The following SRPK2 variants were observed in gnomAD, a reference collection of about 807,000 sequenced individuals.
SRPK2 encodes the protein SFRS protein kinase 2.
A neutral mutation model predicts 90.8 loss-of-function variants in SRPK2; 21 were observed. That is an observed-to-expected ratio of 0.23 (90% CI 0.16 to 0.33). The LOEUF (loss-of-function observed/expected upper bound fraction) is 0.33. Ranked by LOEUF, SRPK2 falls within the 10% of genes least tolerant of loss-of-function variation. The pLI is 1.00. For missense variants in SRPK2, 620 were observed against 869.0 expected (o/e 0.71, Z 3.60); for synonymous variants, 288 against 311.1 (o/e 0.93, Z 0.78).
chr7:105,231,453 A>T (rs560220120), intron 2 of SRPK2, among the ~76,000 whole-genome samples: 8 of 152,298 alleles, frequency 5.3e-5, no homozygotes, highest in African/African-American at 1.9e-4. Flanking sequence ...GCGGAGTCGA[A>T]TGGTAGTTCT....
rs376577359 is a variant in SRPK2 at position 105,158,812 on chromosome 7, GT to G, written c.621+1694del. Reference sequence around the variant, plus strand: ...GTTTTATTTTTTTGTGTTTTTTTGTGTTTTTTTTTTTTTTTAAAGACTTTAG... The same window carrying G: ...GTTTTATTTTTTTGTGTTTTTTTGTGTTTTTTTTTTTTTTAAAGACTTTAG... On this transcript the variant is annotated intron_variant, in intron 7 of 15. Transcript: ENST00000393651. Among the ~76,000 whole-genome samples the G allele has an allele frequency of 8.7e-3, 1,158 of 132,554 alleles. 20 individuals carry two copies. Among genetic ancestry groups the G allele is most frequent in the East Asian group, 0.073 (333 of 4,548 alleles). 87.0% of individuals were successfully genotyped at this position (132,554 alleles called of 152,430 possible).
intron 1 of SRPK2, among the ~76,000 whole-genome samples, chr7:105,396,845 A>G (rs376122076): frequency 2.0e-5 from 3 of 146,904 alleles, no homozygotes; most frequent in South Asian, 2.2e-4. Flanking sequence ...AGAAAGAAAT[A>G]GAGGGAGGGA....
chr7:105,278,518 CAAAAAAAA>C (rs745938997), intron 2 of SRPK2, among the ~76,000 whole-genome samples: 6 of 95,292 alleles, frequency 6.3e-5, no homozygotes, highest in African/African-American at 2.3e-4. Context: ...AATAAAAATA[CAAAAAAAA>C]AAAAAAAAAA....
At chr7:105,318,619 A>G (rs1409968982) in intron 2 of SRPK2, among the ~76,000 whole-genome samples, 1 of 152,252 alleles carries the variant, frequency 6.6e-6, no homozygotes, top group Non-Finnish European at 1.5e-5. Context: ...AATGTCACTC[A>G]GTACTCATTT....
rs550601769 is a variant in SRPK2 at position 105,262,285 on chromosome 7, T to C, written c.72-58500A>G. Among the ~76,000 whole-genome samples, 4 of 152,302 alleles carry C rather than the reference T, an allele frequency of 2.6e-5. No homozygotes were observed. The South Asian group carries it at 6.2e-4, about 24-fold the overall frequency. On this transcript the variant is annotated intron_variant, in intron 2 of 15. Transcript: ENST00000393651. The stretch of plus-strand genomic sequence containing the variant: ...AACTAACACTACACTTTTATTTAGG[T>C]ATATGATACATAAATTTTAGAGACT...
intron 2 of SRPK2, among the ~76,000 whole-genome samples, chr7:105,326,502 C>T (rs555741273): frequency 1.8e-4 from 27 of 152,280 alleles, no homozygotes; most frequent in African/African-American, 6.3e-4. Flanking sequence ...CCCAATATTA[C>T]ACAGCGAATA....
intron 2 of SRPK2, among the ~76,000 whole-genome samples, chr7:105,386,808 C>A (rs993419082): frequency 6.6e-6 from 1 of 152,192 alleles, no homozygotes; most frequent in East Asian, 1.9e-4. Context: ...GGGCTGGTCC[C>A]GTTACCTTAC....
chr7:105,132,769 C>G (rs1358885153), intron 13 of SRPK2, 22 bp downstream of exon 13: 1 of 1,583,236 alleles, frequency 6.3e-7, no homozygotes, highest in African/African-American at 1.3e-5. Context: ...CCCATGGCAG[C>G]AAAGGGCACA....
At chr7:105,291,594 G>A (rs1809030309) in intron 2 of SRPK2, among the ~76,000 whole-genome samples, 2 of 152,122 alleles carry the variant, frequency 1.3e-5, no homozygotes, top group South Asian at 4.1e-4. Context: ...GCCGGGCATG[G>A]TGGCGCACGC....
chr7:105,364,534 G>A (rs962658577), intron 2 of SRPK2, among the ~76,000 whole-genome samples: 2 of 151,556 alleles, frequency 1.3e-5, no homozygotes, highest in African/African-American at 4.9e-5. Flanking sequence ...CCAAGTAGCT[G>A]GGATTACAGG....
At chr7:105,210,868 C>A (rs1002209006) in intron 2 of SRPK2, among the ~76,000 whole-genome samples, 1 of 152,120 alleles carries the variant, frequency 6.6e-6, no homozygotes, top group Non-Finnish European at 1.5e-5. Context: ...CAAAGAACTG[C>A]CAGTGGCCTC....
At chr7:105,194,511 G>A (rs943937041) in intron 3 of SRPK2, among the ~76,000 whole-genome samples, 4 of 152,120 alleles carry the variant, frequency 2.6e-5, no homozygotes, top group African/African-American at 7.2e-5. Context: ...CATAGTTACA[G>A]GCCACGTGGT....
rs372327836 is a variant in SRPK2 at position 105,225,673 on chromosome 7, T to C, written c.72-21888A>G. Among the ~76,000 whole-genome samples, 48 of 152,332 alleles carry C rather than the reference T, an allele frequency of 3.2e-4. No homozygotes were observed. The East Asian group carries it at 5.0e-3, about 16-fold the overall frequency. On this transcript the variant is annotated intron_variant, in intron 2 of 15. Coordinates refer to ENST00000393651, the MANE Select transcript of SRPK2 (RefSeq NM_182692.3). ...TTTTAATTGTATTTATAAAGTTTAA[T>C]AGGCTGTTTCTAAAAAACAAGCATT... is the stretch of plus-strand genomic sequence containing the variant.
intron 6 of SRPK2, among the ~76,000 whole-genome samples, chr7:105,164,154 T>A (rs1335992034): frequency 6.6e-6 from 1 of 152,168 alleles, no homozygotes; most frequent in Non-Finnish European, 1.5e-5. Context: ...AAAGCACTAG[T>A]GAACTAGTGA....
At chr7:105,333,349 G>A (rs1230470263) in intron 2 of SRPK2, among the ~76,000 whole-genome samples, 2 of 152,174 alleles carry the variant, frequency 1.3e-5, no homozygotes, top group African/African-American at 4.8e-5. Context: ...ATAACATTTA[G>A]CAGTTTGTGT....
chr7:105,292,212 A>C (rs1809128415), intron 2 of SRPK2, among the ~76,000 whole-genome samples: 1 of 152,216 alleles, frequency 6.6e-6, no homozygotes. Flanking sequence ...ATGTCTGGTT[A>C]AAAAGTAAAT....
chr7:105,324,898 T>A (rs1238813273), intron 2 of SRPK2, among the ~76,000 whole-genome samples: 2 of 152,072 alleles, frequency 1.3e-5, no homozygotes, highest in African/African-American at 2.4e-5. Context: ...AAATAAAAAT[T>A]AAAATTAAAA....
At chr7:105,141,707 A>C (rs554264388) in intron 11 of SRPK2, among the ~76,000 whole-genome samples, 26 of 152,376 alleles carry the variant, frequency 1.7e-4, no homozygotes, top group African/African-American at 6.3e-4. Flanking sequence ...TAAACTACAC[A>C]TTCTAGAAAG....
chr7:105,197,049 T>C (rs917669147), intron 3 of SRPK2, among the ~76,000 whole-genome samples: 5 of 150,870 alleles, frequency 3.3e-5, no homozygotes, highest in Non-Finnish European at 7.4e-5. Flanking sequence ...CTCCATCTCA[T>C]AAAAAATAAA....
Sources: allele counts gnomAD v4.1 joint callset (sites outside exome capture counted in the v4.1 genomes callset), GRCh38; gene constraint gnomAD v4.1.1; transcripts MANE v1.5; gene names NCBI Gene and HGNC (gene_info 2026-07-23, HGNC 2026-07-21).